Variants in EDIL3 observed in about 807,000 individuals in gnomAD.
The protein encoded by EDIL3 is EGF-like repeat and discoidin I-like domain-containing protein 3.
Under a neutral mutation model 67.4 loss-of-function variants are expected in EDIL3, and 37 were observed. The observed-to-expected ratio is 0.55, with a 90% CI of 0.42 to 0.72. The LOEUF is 0.72. EDIL3 is among the 30% of genes least tolerant of loss of function. EDIL3 has a pLI of 0.00. For missense variants in EDIL3, 527 were observed against 586.3 expected (o/e 0.90, Z 1.04); for synonymous variants, 195 against 196.3 (o/e 0.99, Z 0.05).
intron 9 of EDIL3, among the ~76,000 whole-genome samples, chr5:84,003,176 C>T (rs564362219): frequency 7.4e-4 from 112 of 152,312 alleles, no homozygotes; most frequent in African/African-American, 2.2e-3. Context: ...CCCAGGTCCC[C>T]GCTCTTCAAC....
At chr5:84,131,303 G>T (rs889981785) in intron 5 of EDIL3, among the ~76,000 whole-genome samples, 8 of 152,030 alleles carry the variant, frequency 5.3e-5, no homozygotes, top group African/African-American at 1.9e-4. Context: ...GCTCAGAAGG[G>T]GCAATGTACT....
chr5:84,308,370 ATTGT>A (rs1007658268), intron 1 of EDIL3, among the ~76,000 whole-genome samples: 93 of 152,324 alleles, frequency 6.1e-4, no homozygotes, highest in Middle Eastern at 6.8e-3. Context: ...AGAAGCAGTG[ATTGT>A]TTGTAGGAAA....
intron 8 of EDIL3, among the ~76,000 whole-genome samples, chr5:84,064,443 G>T (rs1746597923): frequency 6.6e-6 from 1 of 152,128 alleles, no homozygotes; most frequent in Non-Finnish European, 1.5e-5. Context: ...TTTCCCGTGA[G>T]AATTCCCTGT....
rs71802008 is a variant in EDIL3, at chr5:84,034,800, AGTAATTTGG to A, written c.1137+25491_1137+25499del. Among the ~76,000 whole-genome samples, 1,293 of 152,244 alleles carry A rather than the reference AGTAATTTGG, an allele frequency of 8.5e-3. 18 individuals carry two copies. Among genetic ancestry groups the A allele is most frequent in the African/African-American group, 0.029 (1,219 of 41,546 alleles). On this transcript the variant is annotated intron_variant, in intron 9 of 10. Coordinates refer to ENST00000296591, the MANE Select transcript of EDIL3 (RefSeq NM_005711.5). ...ATGCAGAGCTAGAAATTTGAATTGC[AGTAATTTGG>A]ATCTAGTTTGGTATTTTACCTCCTC... is the stretch of plus-strand genomic sequence containing the variant.
chr5:84,025,543 T>C (rs1396578002), intron 9 of EDIL3, among the ~76,000 whole-genome samples: 1 of 152,150 alleles, frequency 6.6e-6, no homozygotes, highest in Non-Finnish European at 1.5e-5. Flanking sequence ...GCAAAATAAA[T>C]GTAATGCACT....
rs557795402 is a variant in EDIL3 at position 84,077,087 on chromosome 5, CTCTT to C, written c.652-10485_652-10482del. Among the ~76,000 whole-genome samples, 106 of 152,282 alleles carry C rather than the reference CTCTT, an allele frequency of 7.0e-4. 1 individual carries two copies. The highest frequency in any genetic ancestry group is 2.5e-3 in the African/African-American group (103 of 41,552). On this transcript the variant is annotated intron_variant, in intron 6 of 10. Coordinates refer to ENST00000296591, the MANE Select transcript of EDIL3 (RefSeq NM_005711.5). ...GATGTTCTTAAATGAATTGGATACT[CTCTT>C]TTTTTACTCATAAGTGTGTAAAATA... is the stretch of plus-strand genomic sequence containing the variant.
rs1036265056 is a variant in EDIL3, at chr5:84,115,158, G to A, written c.470-8328C>T. ...AACATACTGGGTGGGTGTTAAAATCGGAAATGCTTTCTTCATATACTGGCA... is the reference window on the plus strand; with the variant it reads ...AACATACTGGGTGGGTGTTAAAATCAGAAATGCTTTCTTCATATACTGGCA... On this transcript the variant is annotated intron_variant, in intron 5 of 10. Coordinates refer to ENST00000296591, the MANE Select transcript of EDIL3 (RefSeq NM_005711.5). Among the ~76,000 whole-genome samples the A allele has an allele frequency of 4.7e-5, 7 of 150,236 alleles. 1 individual carries two copies. The South Asian group carries it at 8.6e-4, about 18-fold the overall frequency.
chr5:84,211,848 A>G (rs190247954), intron 3 of EDIL3, among the ~76,000 whole-genome samples: 1 of 152,352 alleles, frequency 6.6e-6, no homozygotes, highest in Admixed American at 6.5e-5. Context: ...TCAGGAAACG[A>G]ATATAGCTGT....
chr5:84,137,184 TACACACACACACACACAC>T, intron 5 of EDIL3, 39 bp downstream of exon 5: 2 of 900,722 alleles, frequency 2.2e-6, no homozygotes, highest in South Asian at 1.6e-5. Flanking sequence ...TGTGTATACA[TACACACACACACACACAC>T]ACACACACAC....
intron 1 of EDIL3, among the ~76,000 whole-genome samples, chr5:84,384,078 G>A (rs1362524720): frequency 6.6e-6 from 1 of 152,048 alleles, no homozygotes; most frequent in African/African-American, 2.4e-5. Flanking sequence ...CCTCTTTCCT[G>A]TATCTCACCC....
intron 1 of EDIL3, among the ~76,000 whole-genome samples, chr5:84,379,046 G>T (rs544540773): frequency 6.6e-6 from 1 of 152,122 alleles, no homozygotes; most frequent in Non-Finnish European, 1.5e-5. Flanking sequence ...GGAGGAGAAA[G>T]AGACGGAATG....
chr5:84,104,069 C>A (rs1168600697), intron 6 of EDIL3, among the ~76,000 whole-genome samples: 1 of 152,050 alleles, frequency 6.6e-6, no homozygotes, highest in Non-Finnish European at 1.5e-5. Context: ...TTTGCAGGAA[C>A]ATGAATGAAG....
At chr5:84,097,633 G>A (rs1345455745) in intron 6 of EDIL3, among the ~76,000 whole-genome samples, 2 of 152,042 alleles carry the variant, frequency 1.3e-5, no homozygotes, top group African/African-American at 4.8e-5. Flanking sequence ...CCTAGTAGTG[G>A]ATAGAGTGTA....
At chr5:84,320,616 C>T (rs933546960) in intron 1 of EDIL3, among the ~76,000 whole-genome samples, 1 of 152,042 alleles carries the variant, frequency 6.6e-6, no homozygotes, top group African/African-American at 2.4e-5. Flanking sequence ...TTAGGCATTC[C>T]AACTCTATAC....
chr5:84,298,520 G>T (rs1371904941), intron 1 of EDIL3, among the ~76,000 whole-genome samples: 77 of 152,156 alleles, frequency 5.1e-4, no homozygotes, highest in Non-Finnish European at 1.8e-4. Flanking sequence ...ATGCATACTG[G>T]GCTTAATACC....
intron 6 of EDIL3, among the ~76,000 whole-genome samples, chr5:84,076,990 AATACTAT>A (rs572311423): frequency 9.6e-4 from 146 of 152,366 alleles, no homozygotes; most frequent in African/African-American, 3.2e-3. Flanking sequence ...CATCACACAG[AATACTAT>A]AGACTTAAAA....
At chr5:84,033,785 C>G (rs1408239994) in intron 9 of EDIL3, among the ~76,000 whole-genome samples, 1 of 151,176 alleles carries the variant, frequency 6.6e-6, no homozygotes, top group East Asian at 1.9e-4. Context: ...TTCTGGAGTT[C>G]TGGCACACTT....
chr5:84,382,385 G>C (rs1403472436), intron 1 of EDIL3, among the ~76,000 whole-genome samples: 1 of 152,168 alleles, frequency 6.6e-6, no homozygotes, highest in African/African-American at 2.4e-5. Context: ...CGCGCCCCGG[G>C]GCTCCCTCAA....
chr5:84,176,036 C>T lies in EDIL3; in HGVS notation c.355+4357G>A, dbSNP rs146334411. Among the ~76,000 whole-genome samples the T allele has an allele frequency of 1.7e-3, 262 of 151,558 alleles. 2 individuals carry two copies. Among genetic ancestry groups the T allele is most frequent in the African/African-American group, 6.0e-3 (246 of 41,308 alleles). ...AAATATGGAAGTTACAAAAGTGATT[C>T]ATGACCCCAATAAATATTGGTTAAA... On this transcript the variant is annotated intron_variant, in intron 4 of 10. Coordinates refer to ENST00000296591, the MANE Select transcript of EDIL3 (RefSeq NM_005711.5).
Sources: gnomAD v4.1 joint callset for allele counts (sites outside exome capture counted in the v4.1 genomes callset) on GRCh38, gnomAD v4.1.1 for gene constraint, MANE v1.5 for transcripts, NCBI Gene and HGNC (gene_info 2026-07-23, HGNC 2026-07-21) for gene names.